TBC1D19: variants seen among roughly 807,000 people sequenced by gnomAD.
TBC1D19 encodes TBC1 domain family member 19.
TBC1D19 carries 60 observed loss-of-function variants against 89.0 expected under a neutral mutation model. The ratio of observed to expected loss-of-function variants is 0.67; its 90% CI spans 0.55 to 0.84. TBC1D19 has a LOEUF of 0.84. Among genes scored for constraint, TBC1D19 ranks in the 40% least tolerant of loss-of-function variants. The pLI, the probability that TBC1D19 is intolerant of heterozygous loss-of-function variation, is 0.00. For missense variants in TBC1D19, 500 were observed against 610.8 expected, an observed-to-expected ratio of 0.82 and a Z score of 1.91; for synonymous variants, 189 against 199.7, an observed-to-expected ratio of 0.95 and a Z score of 0.45.
chr4:26,658,600 G>A (rs1364057730), intron 7 of TBC1D19, among the ~76,000 whole-genome samples: 7 of 152,184 alleles, frequency 4.6e-5, no homozygotes, highest in Non-Finnish European at 8.8e-5. Flanking sequence ...GAAGTTTAAA[G>A]TAGTTTTTTC....
chr4:26,599,950 CAAAAAAAAAAAAAAAAA>C (rs36092049), intron 1 of TBC1D19, among the ~76,000 whole-genome samples: 1 of 72,782 alleles, frequency 1.4e-5, no homozygotes, highest in African/African-American at 5.6e-5. Flanking sequence ...TCTGTCTCTC[CAAAAAAAAAAAAAAAAA>C]AAAAAAAAGA....
intron 7 of TBC1D19, among the ~76,000 whole-genome samples, chr4:26,651,412 T>C (rs1744368885): frequency 6.6e-6 from 1 of 152,234 alleles, no homozygotes; most frequent in Admixed American, 6.5e-5. Context: ...TTTGTAGTTC[T>C]CCTTCAAGAG....
chr4:26,712,343 G>T (rs1310201039), intron 13 of TBC1D19, among the ~76,000 whole-genome samples: 9 of 151,918 alleles, frequency 5.9e-5, no homozygotes, highest in Non-Finnish European at 1.0e-4. Context: ...GGTTTTTCTT[G>T]CCATTTATAG....
In TBC1D19 at chr4:26,718,000, CA is replaced by C; in HGVS notation, c.1026del (p.Lys342AsnfsTer4). 1 of 1,610,224 alleles carries C rather than the reference CA, an allele frequency of 6.2e-7. No individual in the cohort carries two copies. The highest frequency in any genetic ancestry group is 1.1e-5 in the South Asian group (1 of 90,690). On this transcript the variant is annotated frameshift_variant, in exon 14 of 21. Transcript: ENST00000264866. LOFTEE classifies it high-confidence loss of function. ...SHFAFNSASP[P>X]KSYIRGKLGL... is the part of the protein sequence containing the mutation. Reference sequence around the variant, plus strand: ...TTTGCATTCAACAGTGCCTCGCCACCAAAATCATACATAAGAGGTAAATTTT... The same window carrying C: ...TTTGCATTCAACAGTGCCTCGCCACCAAATCATACATAAGAGGTAAATTTT...
chr4:26,724,773 T>A (rs1343458357), intron 15 of TBC1D19, among the ~76,000 whole-genome samples: 1 of 152,104 alleles, frequency 6.6e-6, no homozygotes, highest in Non-Finnish European at 1.5e-5. Flanking sequence ...GAGCCTAAGG[T>A]CTTCTTGGGT....
intron 7 of TBC1D19, among the ~76,000 whole-genome samples, chr4:26,658,629 C>T (rs1001319866): frequency 2.0e-5 from 3 of 152,094 alleles, no homozygotes; most frequent in African/African-American, 7.2e-5. Flanking sequence ...TGAAGAAAGT[C>T]AGTGGTAGCT....
intron 17 of TBC1D19, 111 bp from the exon 18 acceptor site, chr4:26,742,397 A>G (rs1398643513): frequency 1.1e-6 from 1 of 885,146 alleles, no homozygotes; most frequent in African/African-American, 1.7e-5. Context: ...AAACAGTATA[A>G]AGAAAATTTA....
chr4:26,850,277 G>A, the TBC1D19 span, among the ~76,000 whole-genome samples: 26 of 152,030 alleles, frequency 1.7e-4, no homozygotes, highest in African/African-American at 5.6e-4. Flanking sequence ...GGCCCGGCGC[G>A]GTGACTCACA....
At chr4:26,804,193 A>T in the TBC1D19 span, among the ~76,000 whole-genome samples, 2 of 151,918 alleles carry the variant, frequency 1.3e-5, no homozygotes, top group Non-Finnish European at 2.9e-5. Context: ...TCCCCCAGGC[A>T]GGAGTGCAAC....
At chr4:26,763,292 C>T in the TBC1D19 span, among the ~76,000 whole-genome samples, 11 of 152,284 alleles carry the variant, frequency 7.2e-5, no homozygotes, top group African/African-American at 2.4e-4. Context: ...GGGAGTCAGA[C>T]ATGCCTCACT....
rs564155665 is a variant in TBC1D19 at position 26,612,724 on chromosome 4, A to G, written c.100-445A>G. On this transcript the variant is annotated intron_variant, in intron 1 of 20. Transcript: ENST00000264866. Reference sequence around the variant, plus strand: ...TATTTTCTACAAATATACACAATGCATTTACATTGAGAAGCAATCCAAAGA... The same window carrying G: ...TATTTTCTACAAATATACACAATGCGTTTACATTGAGAAGCAATCCAAAGA... Among the ~76,000 whole-genome samples, 4 of 152,258 alleles carry G rather than the reference A, an allele frequency of 2.6e-5. 1 individual carries two copies. In the South Asian group the frequency reaches 8.3e-4, roughly 32 times the overall value.
chr4:26,711,568 T>C lies in TBC1D19; in HGVS notation c.955-6365T>C, dbSNP rs551212199. On this transcript the variant is annotated intron_variant, in intron 13 of 20. Coordinates refer to ENST00000264866, the MANE Select transcript of TBC1D19 (RefSeq NM_018317.4). ...GGACAAACTAAATCTTTTGTGGCTATATGTAGACATTTTAGGTATAATTCT... is the reference window on the plus strand; with the variant it reads ...GGACAAACTAAATCTTTTGTGGCTACATGTAGACATTTTAGGTATAATTCT... Among the ~76,000 whole-genome samples the C allele has an allele frequency of 3.3e-5, 5 of 152,224 alleles. No individual in the cohort carries two copies. In the East Asian group the frequency reaches 9.7e-4, roughly 29 times the overall value.
At chr4:26,778,898 C>A in the TBC1D19 span, among the ~76,000 whole-genome samples, 2 of 152,006 alleles carry the variant, frequency 1.3e-5, no homozygotes, top group Non-Finnish European at 2.9e-5. Flanking sequence ...TACTGATATC[C>A]CTTGGAATAA....
chr4:26,640,284 A>G, intron 7 of TBC1D19, 97 bp downstream of exon 7: 1 of 1,013,704 alleles, frequency 9.9e-7, no homozygotes, highest in South Asian at 1.4e-5. Context: ...TTAGCATGTA[A>G]AAAGCCCCAG....
chr4:26,648,522 G>A (rs1018447631), intron 7 of TBC1D19, among the ~76,000 whole-genome samples: 1 of 152,146 alleles, frequency 6.6e-6, no homozygotes, highest in East Asian at 1.9e-4. Flanking sequence ...GTCTTTGACT[G>A]CACTGTCCCC....
rs1718773049 is a variant in TBC1D19, at chr4:26,748,501, A to G, written c.1410A>G (p.Gly470=). The change falls in exon 19 of 21, where the codon GGA becomes GGG. Residue 470 remains glycine (G), a synonymous_variant. Coordinates refer to ENST00000264866, the MANE Select transcript of TBC1D19 (RefSeq NM_018317.4). Reference sequence around the variant, plus strand: ...TGCTTTTATGGGATAGAATCCTAGGATACAACTCTCTGGAAATTCTTGCTG... The same window carrying G: ...TGCTTTTATGGGATAGAATCCTAGGGTACAACTCTCTGGAAATTCTTGCTG... ...QLLLLWDRIL[G]YNSLEILAVL... The G allele has an allele frequency of 1.9e-6, 3 of 1,613,362 alleles. No homozygotes were observed. Among genetic ancestry groups the G allele is most frequent in the Non-Finnish European group, 1.7e-6 (2 of 1,179,652 alleles).
chr4:26,790,458 A>T, the TBC1D19 span, among the ~76,000 whole-genome samples: 1,117 of 152,332 alleles, frequency 7.3e-3, 7 homozygotes, highest in Non-Finnish European at 9.7e-3. Context: ...AATTAAATGA[A>T]GTCACATATG....
the TBC1D19 span, among the ~76,000 whole-genome samples, chr4:26,770,923 T>A: frequency 6.6e-6 from 1 of 151,946 alleles, no homozygotes; most frequent in Non-Finnish European, 1.5e-5. Flanking sequence ...TGAATGAAAA[T>A]GGAAATAAAA....
intron 13 of TBC1D19, among the ~76,000 whole-genome samples, chr4:26,711,598 T>TAAA (rs1716193235): frequency 6.6e-6 from 1 of 152,092 alleles, no homozygotes; most frequent in African/African-American, 2.4e-5. Context: ...AATTCTGCCG[T>TAAA]ATTAGCATAG....
Sources: allele counts gnomAD v4.1 joint callset (sites outside exome capture counted in the v4.1 genomes callset), GRCh38; gene constraint gnomAD v4.1.1; transcripts MANE v1.5; gene names NCBI Gene and HGNC (gene_info 2026-07-23, HGNC 2026-07-21).